Variants in PCDH7 observed in about 807,000 individuals in gnomAD.
PCDH7 encodes the protein protocadherin-7.
A neutral mutation model predicts 58.9 loss-of-function variants in PCDH7; 17 were observed. The observed-to-expected ratio is 0.29, with a 90% CI of 0.20 to 0.43. The LOEUF (loss-of-function observed/expected upper bound fraction) is 0.43, where lower values mean the gene tolerates loss of function less well. Ranked by LOEUF, PCDH7 falls within the 20% of genes least tolerant of loss-of-function variation. The pLI is 1.00. For synonymous variants in PCDH7, 664 were observed against 616.4 expected (o/e 1.08, Z -1.14); for missense variants, 1,274 against 1,441.0 (o/e 0.88, Z 1.88).
At chr4:30,886,787 G>A (rs949123449) in intron 1 of PCDH7, among the ~76,000 whole-genome samples, 17 of 150,966 alleles carry the variant, frequency 1.1e-4, no homozygotes, top group African/African-American at 3.9e-4. Flanking sequence ...GGAATACTAT[G>A]CAGCCATAAA....
intron 2 of PCDH7, among the ~76,000 whole-genome samples, chr4:30,931,551 G>A (rs1204218511): frequency 6.6e-6 from 1 of 151,914 alleles, no homozygotes; most frequent in African/African-American, 2.4e-5. Flanking sequence ...TCCAGCCTGG[G>A]CAACGAGAGC....
chr4:30,754,338 G>T lies in PCDH7; in HGVS notation c.70+29742G>T, dbSNP rs112635980. The stretch of plus-strand genomic sequence containing the variant: ...ATTTGTCAAGTGAAAAAGAAAAGAG[G>T]TTGTTATAATCAAGCAGCTCCAGGG... On this transcript the variant is annotated intron_variant, in intron 1 of 3. Coordinates refer to the PCDH7 transcript ENST00000509759. 5.1e-3 allele frequency among the ~76,000 whole-genome samples: 769 copies of T among 152,118 alleles called. 6 individuals are homozygous for T. The highest frequency in any genetic ancestry group is 0.017 in the African/African-American group (719 of 41,490).
intron 1 of PCDH7, among the ~76,000 whole-genome samples, chr4:30,855,274 T>C (rs1324634688): frequency 6.6e-6 from 1 of 152,150 alleles, no homozygotes; most frequent in Non-Finnish European, 1.5e-5. Flanking sequence ...TGATTTGTCA[T>C]GATCAGAACA....
chr4:30,746,336 T>A (rs559382251), intron 1 of PCDH7, among the ~76,000 whole-genome samples: 3 of 152,298 alleles, frequency 2.0e-5, no homozygotes, highest in Non-Finnish European at 2.9e-5. Context: ...AAAATCCTAA[T>A]TCAATCTGGT....
At chr4:30,992,564 A>C in intron 3 of PCDH7, among the ~76,000 whole-genome samples, 1 of 152,174 alleles carries the variant, frequency 6.6e-6, no homozygotes, top group East Asian at 1.9e-4. Flanking sequence ...TTTGCCTTTC[A>C]GATGGGGCTA....
At chr4:30,869,606 C>T (rs1310448280) in intron 1 of PCDH7, among the ~76,000 whole-genome samples, 2 of 152,156 alleles carry the variant, frequency 1.3e-5, no homozygotes, top group African/African-American at 4.8e-5. Context: ...CTGCAAAGGA[C>T]ATGAACCCAT....
At chr4:30,919,267 G>A (rs753418853) in intron 1 of PCDH7, among the ~76,000 whole-genome samples, 2 of 151,734 alleles carry the variant, frequency 1.3e-5, no homozygotes, top group Non-Finnish European at 2.9e-5. Flanking sequence ...ACATGGCATT[G>A]GTTTGTTCCT....
chr4:31,082,867 CAA>C (rs1711715192), intron 3 of PCDH7, among the ~76,000 whole-genome samples: 3 of 152,048 alleles, frequency 2.0e-5, no homozygotes, highest in Non-Finnish European at 2.9e-5. Context: ...TTTGGGAGGC[CAA>C]GGGCCAAGGT....
downstream of PCDH7, among the ~76,000 whole-genome samples, chr4:30,734,559 A>C (rs1027446581): frequency 6.6e-6 from 1 of 152,186 alleles, no homozygotes; most frequent in African/African-American, 2.4e-5. Context: ...TTTAATACAC[A>C]CTGAAAGGCT....
At chr4:30,987,588 C>G (rs185100273) in intron 3 of PCDH7, 1 of 152,102 alleles carries the variant, frequency 6.6e-6, no homozygotes, top group African/African-American at 2.4e-5. Context: ...GTGGCTGAGG[C>G]AGGAGGAACG....
Position 30,975,025 on chromosome 4 carries a change from C to A in PCDH7, c.*7+24810C>A, listed in dbSNP as rs141318384. 5.3e-5 allele frequency among the ~76,000 whole-genome samples: 8 copies of A among 152,242 alleles called. No individual in the cohort carries two copies. The East Asian group carries it at 1.5e-3, about 29-fold the overall frequency. Reference sequence around the variant, plus strand: ...CGTATTGTAGTTCTCTGGCTTGTAACTGTTTCCAACTGTGGAGCTGCCAGC... The same window carrying A: ...CGTATTGTAGTTCTCTGGCTTGTAAATGTTTCCAACTGTGGAGCTGCCAGC... On this transcript the variant is annotated intron_variant, in intron 3 of 3. Coordinates refer to the PCDH7 transcript ENST00000509759.
At position 30,763,237 on chromosome 4, in the gene PCDH7, T is replaced by C. The variant is rs556465212; in HGVS notation, c.70+38641T>C. Among the ~76,000 whole-genome samples, 21 of 152,252 alleles carry C rather than the reference T, an allele frequency of 1.4e-4. No homozygotes were observed. In the East Asian group the frequency reaches 3.7e-3, roughly 27 times the overall value. Reference sequence around the variant, plus strand: ...ACTCCGTCTCAAAAAAATAAAAGCATAAATAAATATATTTAGCCTAAAATG... The same window carrying C: ...ACTCCGTCTCAAAAAAATAAAAGCACAAATAAATATATTTAGCCTAAAATG... On this transcript the variant is annotated intron_variant, in intron 1 of 3. Coordinates refer to the PCDH7 transcript ENST00000509759.
At chr4:31,119,417 C>A (rs1717384034) in intron 3 of PCDH7, among the ~76,000 whole-genome samples, 1 of 152,056 alleles carries the variant, frequency 6.6e-6, no homozygotes, top group Non-Finnish European at 1.5e-5. Context: ...AAAGTTTTTA[C>A]CAACTGCAAA....
At chr4:30,826,515 G>A (rs1460032982) in intron 1 of PCDH7, among the ~76,000 whole-genome samples, 3 of 151,824 alleles carry the variant, frequency 2.0e-5, no homozygotes, top group Non-Finnish European at 4.4e-5. Flanking sequence ...GCTCCACTTC[G>A]GGCAATAATT....
At chr4:30,866,153 T>C (rs1471876983) in intron 1 of PCDH7, among the ~76,000 whole-genome samples, 3 of 152,078 alleles carry the variant, frequency 2.0e-5, no homozygotes, top group Non-Finnish European at 4.4e-5. Context: ...TTCCTTCCAT[T>C]GCCCTCCTTT....
chr4:30,979,555 T>C (rs1750374735), intron 3 of PCDH7, among the ~76,000 whole-genome samples: 1 of 151,896 alleles, frequency 6.6e-6, no homozygotes, highest in Non-Finnish European at 1.5e-5. Context: ...AGAGAACGTA[T>C]TTTCTTCCAT....
At chr4:30,782,842 C>T (rs562192247) in intron 1 of PCDH7, among the ~76,000 whole-genome samples, 40 of 152,182 alleles carry the variant, frequency 2.6e-4, no homozygotes, top group African/African-American at 9.4e-4. Flanking sequence ...TGTTCCTTTC[C>T]TTCGAGTATA....
intron 3 of PCDH7, among the ~76,000 whole-genome samples, chr4:30,984,140 CAG>C: frequency 6.6e-6 from 1 of 152,124 alleles, no homozygotes; most frequent in African/African-American, 2.4e-5. Flanking sequence ...ATATGTAAAA[CAG>C]AAAAAATTCC....
intron 3 of PCDH7, among the ~76,000 whole-genome samples, chr4:31,030,637 A>G (rs541331989): frequency 1.3e-5 from 2 of 152,354 alleles, no homozygotes; most frequent in South Asian, 4.1e-4. Context: ...TCAATTACTT[A>G]TGGCTTAGCA....
Sources: gnomAD v4.1 joint callset for allele counts (sites outside exome capture counted in the v4.1 genomes callset) on GRCh38, gnomAD v4.1.1 for gene constraint, MANE v1.5 for transcripts, NCBI Gene and HGNC (gene_info 2026-07-23, HGNC 2026-07-21) for gene names.